Variants in ZFHX3 observed in about 807,000 individuals in gnomAD.
The protein encoded by ZFHX3 is zinc finger homeobox 3.
Under a neutral mutation model 279.1 loss-of-function variants are expected in ZFHX3, and 42 were observed. The observed-to-expected ratio is 0.15, with a 90% CI of 0.12 to 0.19. The LOEUF is 0.19. Among genes scored for constraint, ZFHX3 ranks in the 10% least tolerant of loss-of-function variants. ZFHX3 has a pLI of 1.00. For missense variants in ZFHX3, 4,981 were observed against 4,754.0 expected (o/e 1.05, Z -1.40); for synonymous variants, 2,293 against 1,957.8 (o/e 1.17, Z -4.52).
chr16:73,772,817 T>G (rs1226914295), intron 1 of ZFHX3, among the ~76,000 whole-genome samples: 1 of 152,218 alleles, frequency 6.6e-6, no homozygotes, highest in Non-Finnish European at 1.5e-5. Context: ...TACATATGCA[T>G]AATTACTACC....
intron 5 of ZFHX3, among the ~76,000 whole-genome samples, chr16:72,815,297 A>C (rs1280035277): frequency 6.6e-6 from 1 of 151,700 alleles, no homozygotes; most frequent in Non-Finnish European, 1.5e-5. Context: ...AGTCCTAGCT[A>C]CTCAGGAGGC....
intron 5 of ZFHX3, among the ~76,000 whole-genome samples, chr16:73,184,846 C>T (rs573797943): frequency 2.0e-5 from 3 of 152,308 alleles, no homozygotes; most frequent in South Asian, 2.1e-4. Context: ...TCAATTTTGA[C>T]CTGAAATTCA....
At chr16:73,551,302 T>G (rs2020200939) in intron 2 of ZFHX3, among the ~76,000 whole-genome samples, 1 of 152,164 alleles carries the variant, frequency 6.6e-6, no homozygotes, top group Non-Finnish European at 1.5e-5. Flanking sequence ...CAACCCTCCC[T>G]TCTTCAAACA....
chr16:72,859,180 CACAG>C (rs2037822628), intron 4 of ZFHX3, among the ~76,000 whole-genome samples: 1 of 152,106 alleles, frequency 6.6e-6, no homozygotes, highest in Non-Finnish European at 1.5e-5. Flanking sequence ...TAAAGCAATC[CACAG>C]AAGGGCATTT....
rs796634470 is a variant in ZFHX3 at position 73,682,991 on chromosome 16, A to AAAAGAAAGAAAG, written c.-1607-2763_-1607-2752dup. Reference sequence around the variant, plus strand: ...GAAAGAAAGAAAGAAAGAAAGAAAGAAAAGAAAGAAAGAAAGAAAGAGAAA... The same window carrying AAAAGAAAGAAAG: ...GAAAGAAAGAAAGAAAGAAAGAAAGAAAAGAAAGAAAGAAAGAAAGAAAGAAAGAAAGAGAAA... On this transcript the variant is annotated intron_variant, in intron 1 of 17. Transcript: ENST00000641206. Among the ~76,000 whole-genome samples, 17 of 42,376 alleles carry AAAAGAAAGAAAG rather than the reference A, an allele frequency of 4.0e-4. 2 individuals carry two copies. The highest frequency in any genetic ancestry group is 1.1e-3 in the African/African-American group (14 of 13,194). 27.8% of individuals were successfully genotyped at this position (42,376 alleles called of 152,430 possible). A position where few individuals can be genotyped will look rare whatever the true frequency, so the allele number is the denominator to read the frequency against.
At chr16:73,560,087 G>T (rs1271532730) in intron 2 of ZFHX3, among the ~76,000 whole-genome samples, 2 of 152,188 alleles carry the variant, frequency 1.3e-5, no homozygotes, top group African/African-American at 4.8e-5. Context: ...TGATGATCGG[G>T]AGCTTGTCTG....
At chr16:73,874,206 A>G (rs1437108935) in intron 1 of ZFHX3, among the ~76,000 whole-genome samples, 6 of 152,152 alleles carry the variant, frequency 3.9e-5, no homozygotes, top group Non-Finnish European at 1.5e-5. Context: ...AAGATATATT[A>G]TATACATACT....
chr16:73,343,183 T>C (rs2016064878), intron 3 of ZFHX3, among the ~76,000 whole-genome samples: 1 of 151,316 alleles, frequency 6.6e-6, no homozygotes, highest in South Asian at 2.1e-4. Context: ...TAAAATGTTG[T>C]AGGACTGAAA....
intron 1 of ZFHX3, among the ~76,000 whole-genome samples, chr16:73,854,223 G>A (rs1038867728): frequency 3.0e-4 from 46 of 152,248 alleles, no homozygotes; most frequent in South Asian, 2.7e-3. Context: ...AATTTAAAGA[G>A]CATTATAAAT....
At chr16:73,106,813 G>A (rs1414760039) in intron 7 of ZFHX3, among the ~76,000 whole-genome samples, 2 of 152,138 alleles carry the variant, frequency 1.3e-5, no homozygotes, top group African/African-American at 2.4e-5. Flanking sequence ...GAGTTAGTCT[G>A]TCCACTTCCA....
At chr16:73,240,733 T>C (rs1477625450) in intron 5 of ZFHX3, among the ~76,000 whole-genome samples, 1 of 152,202 alleles carries the variant, frequency 6.6e-6, no homozygotes, top group Non-Finnish European at 1.5e-5. Context: ...CAAGTATTGA[T>C]TTTGAAGTTA....
At chr16:73,320,451 C>G (rs181674154) in intron 3 of ZFHX3, among the ~76,000 whole-genome samples, 4 of 152,206 alleles carry the variant, frequency 2.6e-5, no homozygotes, top group African/African-American at 9.7e-5. Context: ...AGTCCATTGA[C>G]AGCTACAGAT....
chr16:73,808,974 A>G (rs1037693374), intron 1 of ZFHX3, among the ~76,000 whole-genome samples: 3 of 152,214 alleles, frequency 2.0e-5, no homozygotes, highest in Non-Finnish European at 4.4e-5. Flanking sequence ...TTACTGACCC[A>G]GTGCCGGATA....
intron 4 of ZFHX3, among the ~76,000 whole-genome samples, chr16:72,843,494 G>A (rs1184754680): frequency 2.9e-5 from 4 of 137,010 alleles, no homozygotes; most frequent in South Asian, 2.4e-4. Context: ...CAGCCTGGGC[G>A]ACAGAGCGAG....
chr16:73,589,666 C>G (rs1479884775), intron 2 of ZFHX3, among the ~76,000 whole-genome samples: 1 of 127,122 alleles, frequency 7.9e-6, no homozygotes, highest in African/African-American at 3.0e-5. Context: ...GGACATGGAG[C>G]TTGCAGTGAG....
chr16:73,329,108 G>A (rs1272223191), intron 3 of ZFHX3, among the ~76,000 whole-genome samples: 3 of 152,238 alleles, frequency 2.0e-5, no homozygotes, highest in Non-Finnish European at 4.4e-5. Flanking sequence ...TTGCAAGCAA[G>A]TGTCTAGTTA....
At chr16:72,894,377 C>G (rs2038845260) in intron 3 of ZFHX3, among the ~76,000 whole-genome samples, 1 of 152,170 alleles carries the variant, frequency 6.6e-6, no homozygotes, top group African/African-American at 2.4e-5. Context: ...CCTCTGTGAC[C>G]TTCTCCACAT....
At chr16:73,847,817 A>C (rs568042340) in intron 1 of ZFHX3, among the ~76,000 whole-genome samples, 122 of 151,548 alleles carry the variant, frequency 8.1e-4, no homozygotes, top group African/African-American at 2.9e-3. Flanking sequence ...GCCTCAGTGC[A>C]ACTTCCGCCT....
intron 4 of ZFHX3, among the ~76,000 whole-genome samples, chr16:72,857,430 T>C (rs776116119): frequency 2.0e-5 from 3 of 152,252 alleles, no homozygotes; most frequent in Non-Finnish European, 4.4e-5. Context: ...CTCATGCCTA[T>C]AATCCCAGCC....
Sources: allele counts gnomAD v4.1 joint callset (sites outside exome capture counted in the v4.1 genomes callset), GRCh38; gene constraint gnomAD v4.1.1; transcripts MANE v1.5; gene names NCBI Gene and HGNC (gene_info 2026-07-23, HGNC 2026-07-21).